TMEM108: variants seen among roughly 807,000 people sequenced by gnomAD.
TMEM108 encodes transmembrane protein 108.
In TMEM108, 12 loss-of-function variants were observed where a neutral mutation model predicts 35.1. The ratio of observed to expected loss-of-function variants is 0.34; its 90% CI spans 0.22 to 0.55. The LOEUF is 0.55. Among genes scored for constraint, TMEM108 ranks in the 20% least tolerant of loss-of-function variants. TMEM108 has a pLI of 0.89. For missense variants in TMEM108, 680 were observed against 753.3 expected, an observed-to-expected ratio of 0.90 and a Z score of 1.14; for synonymous variants, 287 against 308.6, an observed-to-expected ratio of 0.93 and a Z score of 0.73.
chr3:133,367,616 A>G (rs2072538670), intron 3 of TMEM108, among the ~76,000 whole-genome samples: 1 of 152,250 alleles, frequency 6.6e-6, no homozygotes, highest in Non-Finnish European at 1.5e-5. Flanking sequence ...GCAGGGCCAG[A>G]CAGCTTTGCA....
At chr3:133,282,678 A>C (rs1020978789) in intron 3 of TMEM108, among the ~76,000 whole-genome samples, 2 of 151,910 alleles carry the variant, frequency 1.3e-5, no homozygotes, top group African/African-American at 4.8e-5. Context: ...TCATAATTTT[A>C]TTTCTCCTTC....
At chr3:133,184,921 A>T (rs1396420221) in intron 2 of TMEM108, among the ~76,000 whole-genome samples, 1 of 152,246 alleles carries the variant, frequency 6.6e-6, no homozygotes, top group Non-Finnish European at 1.5e-5. Flanking sequence ...ACATCTTTTT[A>T]ATTGTATTTA....
chr3:133,215,265 A>G (rs943106957), intron 2 of TMEM108, among the ~76,000 whole-genome samples: 2 of 152,088 alleles, frequency 1.3e-5, no homozygotes, highest in African/African-American at 2.4e-5. Context: ...TAAAAGCTAC[A>G]TCACAACTTA....
chr3:133,235,137 T>C (rs1023274753), intron 3 of TMEM108, among the ~76,000 whole-genome samples: 1 of 152,188 alleles, frequency 6.6e-6, no homozygotes, highest in African/African-American at 2.4e-5. Flanking sequence ...TCCATGTTCA[T>C]GGATAGGAAG....
At chr3:133,252,225 A>T (rs2107669145) in intron 3 of TMEM108, among the ~76,000 whole-genome samples, 2 of 152,282 alleles carry the variant, frequency 1.3e-5, no homozygotes, top group Middle Eastern at 6.8e-3. Context: ...ACTCTCTGTT[A>T]TGGTGGTATT....
intron 2 of TMEM108, among the ~76,000 whole-genome samples, chr3:133,101,392 A>G (rs1944085290): frequency 1.3e-5 from 2 of 152,202 alleles, no homozygotes; most frequent in Non-Finnish European, 2.9e-5. Flanking sequence ...CTCTCCAAGC[A>G]CTTTCCATAT....
chr3:133,218,180 G>T (rs995187810), intron 2 of TMEM108, among the ~76,000 whole-genome samples: 2 of 151,674 alleles, frequency 1.3e-5, no homozygotes, highest in African/African-American at 4.8e-5. Flanking sequence ...ATTGCAAATG[G>T]GATTGTTTTA....
chr3:133,047,840 A>G (rs1024397248), intron 2 of TMEM108, among the ~76,000 whole-genome samples: 1 of 152,246 alleles, frequency 6.6e-6, no homozygotes, highest in African/African-American at 2.4e-5. Flanking sequence ...GAAGTAATGT[A>G]CATAGTACTG....
intron 2 of TMEM108, among the ~76,000 whole-genome samples, chr3:133,131,760 C>T (rs112336532): frequency 6.6e-6 from 1 of 151,838 alleles, no homozygotes; most frequent in African/African-American, 2.4e-5. Flanking sequence ...ATCAGCGAGA[C>T]AAGTTAGGAA....
intron 3 of TMEM108, among the ~76,000 whole-genome samples, chr3:133,375,674 G>C (rs1356505171): frequency 6.6e-6 from 1 of 152,222 alleles, no homozygotes; most frequent in Non-Finnish European, 1.5e-5. Context: ...AGAGGTAAAT[G>C]CTTGTCTGAT....
Position 133,396,496 on chromosome 3 carries a change from T to C in TMEM108, c.*510T>C, listed in dbSNP as rs2699880. 74,088 of 151,990 alleles carry C rather than the reference T, an allele frequency of 0.49. 18,051 individuals are homozygous for C. Among genetic ancestry groups the C allele is most frequent in the Non-Finnish European group, 0.5 (34,033 of 67,986 alleles). The allele number at this position is 151,990 out of a possible 1,614,324, so 9.4% of individuals were successfully genotyped here. The stretch of plus-strand genomic sequence containing the variant: ...GGAAAAGGGAACATCTCATCACCTC[T>C]GAGGATGAGTACCCTGGAGCCTTAT... On this transcript the variant is annotated 3_prime_UTR_variant, in exon 6 of 6. Transcript: ENST00000321871.
rs565514603 is a variant in TMEM108, at chr3:133,397,415, A to G, written c.*1429A>G. On this transcript the variant is annotated 3_prime_UTR_variant, in exon 6 of 6. Coordinates refer to ENST00000321871, the MANE Select transcript of TMEM108 (RefSeq NM_023943.4). ...AAAAAAAAAAAAAAGATGGCCTTCA[A>G]AAGTGTGTTCTCAATGTTGTATGAA... 2.6e-4 allele frequency: 39 copies of G among 151,996 alleles called. No individual in the cohort carries two copies. Among genetic ancestry groups the G allele is most frequent in the African/African-American group, 9.2e-4 (38 of 41,496 alleles). 9.4% of individuals were successfully genotyped at this position (151,996 alleles called of 1,614,324 possible). A position where few individuals can be genotyped will look rare whatever the true frequency, so the allele number is the denominator to read the frequency against.
chr3:133,355,699 G>C (rs190916531), intron 3 of TMEM108, among the ~76,000 whole-genome samples: 1 of 152,238 alleles, frequency 6.6e-6, no homozygotes, highest in Admixed American at 6.5e-5. Flanking sequence ...GTTGAAACTA[G>C]GTATTTTGTT....
intron 2 of TMEM108, among the ~76,000 whole-genome samples, chr3:133,211,945 A>T (rs1368664185): frequency 1.3e-5 from 2 of 151,678 alleles, no homozygotes; most frequent in Non-Finnish European, 2.9e-5. Flanking sequence ...ATTTTTTAGA[A>T]AGGGAAATAT....
chr3:133,164,834 A>C (rs903682321), intron 2 of TMEM108, among the ~76,000 whole-genome samples: 1 of 152,208 alleles, frequency 6.6e-6, no homozygotes, highest in African/African-American at 2.4e-5. Context: ...TTTTATTGAA[A>C]AAAACATTAA....
intron 2 of TMEM108, among the ~76,000 whole-genome samples, chr3:133,057,479 A>ATATATATATATATCTATATATATATATC (rs1559818494): frequency 1.4e-5 from 1 of 73,144 alleles, no homozygotes; most frequent in African/African-American, 5.0e-5. Flanking sequence ...ATATATATAT[A>ATATATATATATATCTATATATATATATC]TATATATGTG....
intron 2 of TMEM108, among the ~76,000 whole-genome samples, chr3:133,208,196 G>T (rs1302706183): frequency 2.6e-5 from 4 of 152,184 alleles, no homozygotes; most frequent in Non-Finnish European, 4.4e-5. Flanking sequence ...TTCTGATTCA[G>T]TGGGTCTGAG....
At chr3:133,209,563 C>T (rs1281133551) in intron 2 of TMEM108, among the ~76,000 whole-genome samples, 2 of 152,056 alleles carry the variant, frequency 1.3e-5, no homozygotes, top group Non-Finnish European at 2.9e-5. Flanking sequence ...TTGTGGCACT[C>T]AGTATTTTCC....
chr3:133,365,766 C>T (rs867379375), intron 3 of TMEM108, among the ~76,000 whole-genome samples: 4 of 152,134 alleles, frequency 2.6e-5, no homozygotes, highest in Non-Finnish European at 5.9e-5. Flanking sequence ...ACTATATCCC[C>T]GGCTGGAATG....
Sources: gnomAD v4.1 joint callset for allele counts (sites outside exome capture counted in the v4.1 genomes callset) on GRCh38, gnomAD v4.1.1 for gene constraint, MANE v1.5 for transcripts, NCBI Gene and HGNC (gene_info 2026-07-23, HGNC 2026-07-21) for gene names.